The following ARMC7 variants were observed in gnomAD, a reference collection of about 807,000 sequenced individuals.
ARMC7 encodes the protein armadillo repeat containing 7.
ARMC7 carries 9 observed loss-of-function variants against 14.8 expected under a neutral mutation model. The observed-to-expected ratio is 0.61, with a 90% CI of 0.37 to 1.06. The LOEUF (loss-of-function observed/expected upper bound fraction) is 1.06, where lower values mean the gene tolerates loss of function less well. Among genes scored for constraint, ARMC7 ranks in the 50% least tolerant of loss-of-function variants. The pLI, the probability that ARMC7 is intolerant of heterozygous loss-of-function variation, is 0.01. For synonymous variants in ARMC7, 125 were observed against 123.4 expected (o/e 1.01, Z -0.09); for missense variants, 262 against 267.1 (o/e 0.98, Z 0.13).
intron 2 of ARMC7, among the ~76,000 whole-genome samples, chr17:75,124,202 T>G (rs2074034317): frequency 6.6e-6 from 1 of 152,196 alleles, no homozygotes; most frequent in Non-Finnish European, 1.5e-5. Context: ...CCTCACCGCC[T>G]TCTTCATCTC....
At chr17:75,117,563 A>C (rs2073982174) in intron 2 of ARMC7, among the ~76,000 whole-genome samples, 1 of 152,212 alleles carries the variant, frequency 6.6e-6, no homozygotes, top group South Asian at 2.1e-4. Context: ...GGATGTCTCC[A>C]AGGGATGGGG....
intron 2 of ARMC7, among the ~76,000 whole-genome samples, chr17:75,112,207 C>T (rs919240486): frequency 6.6e-6 from 1 of 152,182 alleles, no homozygotes; most frequent in Non-Finnish European, 1.5e-5. Flanking sequence ...TTAGAGAGTT[C>T]AGTGGCACCA....
chr17:75,122,059 TGTG>T (rs1210975680), intron 2 of ARMC7, among the ~76,000 whole-genome samples: 1 of 151,936 alleles, frequency 6.6e-6, no homozygotes, highest in Non-Finnish European at 1.5e-5. Flanking sequence ...TCTGGCCAGG[TGTG>T]GTGGCTCACG....
rs761904572 is a variant in ARMC7 at position 75,128,839 on chromosome 17, T to C, written c.398T>C (p.Leu133Pro). The change falls in exon 3 of 3, where the codon CTC becomes CCC. Residue 133 changes from leucine to proline, a missense_variant. Coordinates refer to ENST00000245543, the MANE Select transcript of ARMC7 (RefSeq NM_024585.4). ...CTGAGCCCGCCGGGCCGCAGCTTTC[T>C]CCCAGAGCTGACCGCCACGCCCGTG... ...MHLSPPGRSF[L>P]PELTATPVVQ... 1 of 1,613,156 alleles carries C rather than the reference T, an allele frequency of 6.2e-7. No individual in the cohort carries two copies. Among genetic ancestry groups the C allele is most frequent in the African/African-American group, 1.3e-5 (1 of 75,042 alleles).
Position 75,129,347 on chromosome 17 carries a change from A to G in ARMC7, c.*309A>G. ...GAAGCGGCCAAGTGCCTGGACCCAGAGGCTTTGCAGGACAGTGTTCTCAGG... is the reference window on the plus strand; with the variant it reads ...GAAGCGGCCAAGTGCCTGGACCCAGGGGCTTTGCAGGACAGTGTTCTCAGG... On this transcript the variant is annotated 3_prime_UTR_variant, in exon 3 of 3. Transcript: ENST00000245543. The G allele has an allele frequency of 2.2e-6, 1 of 453,270 alleles. No homozygotes were observed. Among genetic ancestry groups the G allele is most frequent in the East Asian group, 3.9e-5 (1 of 25,756 alleles). The allele number at this position is 453,270 out of a possible 1,614,324, so 28.1% of individuals were successfully genotyped here.
At chr17:75,114,383 C>A (rs979739520) in intron 2 of ARMC7, 1 of 397,134 alleles carries the variant, frequency 2.5e-6, no homozygotes, top group Admixed American at 4.4e-5. Context: ...GACAGGGGCA[C>A]CCTGAGGTCC....
intron 2 of ARMC7, among the ~76,000 whole-genome samples, chr17:75,112,320 T>C (rs1395334775): frequency 2.6e-5 from 4 of 152,150 alleles, no homozygotes; most frequent in Non-Finnish European, 4.4e-5. Context: ...AGTGCCCACC[T>C]GTAGTCCCAG....
At chr17:75,124,575 C>G (rs79286296) in intron 2 of ARMC7, among the ~76,000 whole-genome samples, 3,276 of 152,302 alleles carry the variant, frequency 0.022, 43 homozygotes, top group Non-Finnish European at 0.034. Context: ...AGACATGCCG[C>G]GGGTGTGTCT....
rs752377953 is a variant in ARMC7, at chr17:75,128,753, C to T, written c.312C>T (p.Ile104=). 4 of 1,613,624 alleles carry T rather than the reference C, an allele frequency of 2.5e-6. No individual in the cohort carries two copies. The highest frequency in any genetic ancestry group is 1.1e-5 in the South Asian group (1 of 91,084). ...ILHAGGVPLI[I]NCLSSPNEET... ...ACGCAGGAGGTGTCCCACTCATCAT[C>T]AACTGCCTATCCAGCCCCAATGAGG... is the stretch of plus-strand genomic sequence containing the variant. The change falls in exon 3 of 3, where the codon ATC becomes ATT. Residue 104 remains isoleucine (I), a synonymous_variant. Transcript: ENST00000245543.
chr17:75,115,187 T>G (rs186883992), intron 2 of ARMC7, among the ~76,000 whole-genome samples: 20 of 151,862 alleles, frequency 1.3e-4, no homozygotes, highest in African/African-American at 4.6e-4. Context: ...CTGAGCAGGG[T>G]TGGTTCTGGA....
At chr17:75,114,675 A>T (rs1799801759) in intron 2 of ARMC7, 1 of 397,738 alleles carries the variant, frequency 2.5e-6, no homozygotes, top group Non-Finnish European at 4.4e-6. Flanking sequence ...CACCAGCTTT[A>T]CTTTTCCCAA....
At chr17:75,111,893 G>A (rs2073926366) in intron 2 of ARMC7, among the ~76,000 whole-genome samples, 1 of 151,520 alleles carries the variant, frequency 6.6e-6, no homozygotes, top group South Asian at 2.1e-4. Context: ...GTATATGCAA[G>A]CTACTGCTCT....
intron 2 of ARMC7, among the ~76,000 whole-genome samples, chr17:75,126,402 T>G (rs2074051571): frequency 6.6e-6 from 1 of 152,198 alleles, no homozygotes; most frequent in African/African-American, 2.4e-5. Flanking sequence ...TGTTGCCTTT[T>G]CTGTTTTCCC....
At chr17:75,128,623 G>A (rs1271176430) in intron 2 of ARMC7, 54 bp from the exon 3 acceptor site, 2 of 1,561,494 alleles carry the variant, frequency 1.3e-6, no homozygotes, top group African/African-American at 1.4e-5. Context: ...GGGCAGGGGA[G>A]GTGGGAGGAG....
rs376423238 is a variant in ARMC7, at chr17:75,110,543, G to T, written c.172G>T (p.Val58Phe). 1 of 1,614,148 alleles carries T rather than the reference G, an allele frequency of 6.2e-7. No individual in the cohort carries two copies. Among genetic ancestry groups the T allele is most frequent in the African/African-American group, 1.3e-5 (1 of 74,954 alleles). Residue 58 changes from valine to phenylalanine, a missense_variant, in exon 2 of 3, where the codon GTC becomes TTC. Physicochemically the swap from Val to Phe is conservative, Grantham distance 50 (BLOSUM62 -1). Transcript: ENST00000245543. The part of the protein sequence containing the change: ...SNYEYLRQLQ[V>F]LDLFLDSLSE... The stretch of plus-strand genomic sequence containing the variant: ...CTACGAGTATCTGCGGCAGCTGCAG[G>T]TCCTGGATTTATTTCTCGATTCGCT...
In ARMC7 at chr17:75,128,709, A is replaced by T; in HGVS notation, c.268A>T (p.Asn90Tyr). The T allele has an allele frequency of 6.2e-7, 1 of 1,613,482 alleles. No individual in the cohort carries two copies. The highest frequency in any genetic ancestry group is 8.5e-7 in the Non-Finnish European group (1 of 1,179,920). Residue 90 changes from asparagine to tyrosine, a missense_variant, in exon 3 of 3, where the codon AAC (asparagine) becomes TAC (tyrosine). Transcript: ENST00000245543. Reference sequence around the variant, plus strand: ...GTGCAACCTGTGCCCAGACAGGGCCAACAAGGAGCACATCCTGCACGCAGG... The same window carrying T: ...GTGCAACCTGTGCCCAGACAGGGCCTACAAGGAGCACATCCTGCACGCAGG... ...GLCNLCPDRA[N>Y]KEHILHAGGV...
chr17:75,111,678 C>T (rs2073924429), intron 2 of ARMC7, among the ~76,000 whole-genome samples: 1 of 146,078 alleles, frequency 6.8e-6, no homozygotes, highest in South Asian at 2.1e-4. Context: ...GTCAAGGCTG[C>T]AGTGAGCTGG....
chr17:75,124,199 G>A (rs772851641), intron 2 of ARMC7, among the ~76,000 whole-genome samples: 8 of 152,094 alleles, frequency 5.3e-5, no homozygotes, highest in Non-Finnish European at 8.8e-5. Flanking sequence ...GGCCCTCACC[G>A]CCTTCTTCAT....
chr17:75,110,991 G>A (rs2073917638), intron 2 of ARMC7, among the ~76,000 whole-genome samples: 1 of 150,910 alleles, frequency 6.6e-6, no homozygotes, highest in Middle Eastern at 3.4e-3. Context: ...GCACACAGTG[G>A]TGTGCACCTG....
Sources: gnomAD v4.1 joint callset for allele counts (sites outside exome capture counted in the v4.1 genomes callset) on GRCh38, gnomAD v4.1.1 for gene constraint, MANE v1.5 for transcripts, NCBI Gene and HGNC (gene_info 2026-07-23, HGNC 2026-07-21) for gene names.